The following KIF23 variants were observed in gnomAD, a reference collection of about 807,000 sequenced individuals.
The protein encoded by KIF23 is kinesin family member 23, also known as kinesin-like protein KIF23.
In KIF23, 30 loss-of-function variants were observed where a neutral mutation model predicts 137.5. The observed-to-expected ratio is 0.22, with a 90% CI of 0.16 to 0.30. The LOEUF is 0.30. KIF23 is among the 10% of genes least tolerant of loss of function. The pLI is 1.00. For synonymous variants in KIF23, 367 were observed against 391.1 expected (o/e 0.94, Z 0.73); for missense variants, 920 against 1,194.3 (o/e 0.77, Z 3.38).
At chr15:69,418,471 A>G (rs2056973234) in intron 3 of KIF23, among the ~76,000 whole-genome samples, 1 of 152,154 alleles carries the variant, frequency 6.6e-6, no homozygotes, top group Non-Finnish European at 1.5e-5. Flanking sequence ...TTCTCAAGGA[A>G]TGGCACTATC....
intron 7 of KIF23, among the ~76,000 whole-genome samples, chr15:69,424,515 G>A (rs1163592679): frequency 1.3e-5 from 2 of 152,148 alleles, no homozygotes; most frequent in African/African-American, 2.4e-5. Context: ...TTAAAACCTT[G>A]TGAGACAGTT....
At chr15:69,429,287 C>T (rs2057291637) in intron 11 of KIF23, 74 bp downstream of exon 11, 2 of 963,480 alleles carry the variant, frequency 2.1e-6, no homozygotes, top group East Asian at 2.6e-5. Context: ...ATCTACTTAT[C>T]AATGGGTGGT....
At position 69,444,565 on chromosome 15, in the gene KIF23, C is replaced by T; in HGVS notation, c.2422-225C>T. ...CATTACCAGAATTTTTTCTTTTATC[C>T]TTTATTGAAAGGGAAACTCCCAGAT... On this transcript the variant is annotated intron_variant, in intron 19 of 23. Coordinates refer to ENST00000679126, the MANE Select transcript of KIF23 (RefSeq NM_001367805.3). This position sits in a 1 kb window ranked among gnomAD's most constrained non-coding sequence, Gnocchi z 4.2. The T allele has an allele frequency of 2.0e-6, 1 of 501,680 alleles. No individual in the cohort carries two copies. The highest frequency in any genetic ancestry group is 3.5e-6 in the Non-Finnish European group (1 of 288,402). 31.1% of individuals were successfully genotyped at this position (501,680 alleles called of 1,614,324 possible).
At chr15:69,425,017 C>T (rs562174414) in intron 7 of KIF23, among the ~76,000 whole-genome samples, 2 of 152,302 alleles carry the variant, frequency 1.3e-5, no homozygotes, top group East Asian at 1.9e-4. Flanking sequence ...ACCTTGTGTG[C>T]TTTGTAACCT....
rs748606582 is a variant in KIF23 at position 69,426,375 on chromosome 15, G to A, written c.929G>A (p.Arg310His). The A allele has an allele frequency of 8.7e-6, 14 of 1,613,934 alleles. No homozygotes were observed. The East Asian group carries it at 1.3e-4, about 15-fold the overall frequency. ...KRRIANTHLN[R>H]ESSRSHSVFN... ...CGTATTGCTAATACCCATTTGAATC[G>A]TGAGTCCAGCCGTTCCCATAGCGTG... is the stretch of plus-strand genomic sequence containing the variant. Residue 310 changes from arginine (R) to histidine (H), a missense_variant, in exon 10 of 24, where the codon CGT (arginine) becomes CAT (histidine). Transcript: ENST00000679126.
intron 11 of KIF23, among the ~76,000 whole-genome samples, chr15:69,429,756 C>T (rs547564088): frequency 2.6e-5 from 4 of 152,236 alleles, no homozygotes; most frequent in African/African-American, 9.6e-5. Context: ...TGCGGTGGCT[C>T]ACACCTGTAA....
chr15:69,438,481 C>T (rs2057535464), intron 16 of KIF23, 76 bp downstream of exon 16: 21 of 1,354,004 alleles, frequency 1.6e-5, no homozygotes, highest in Non-Finnish European at 2.0e-5. Flanking sequence ...TATTGTGCTC[C>T]AACGGCCTGT....
chr15:69,426,664 G>A lies in KIF23; in HGVS notation c.1011+207G>A, dbSNP rs756287913. 236 of 551,396 alleles carry A rather than the reference G, an allele frequency of 4.3e-4. 2 individuals carry two copies. The highest frequency in any genetic ancestry group is 7.0e-4 in the Non-Finnish European group (218 of 312,940). The allele number at this position is 551,396 out of a possible 1,614,324, so 34.2% of individuals were successfully genotyped here. On this transcript the variant is annotated intron_variant, in intron 10 of 23. Coordinates refer to ENST00000679126, the MANE Select transcript of KIF23 (RefSeq NM_001367805.3). ...TGAACCTGGGAGGCAGAGGTACAGT[G>A]AACTGAGATCGCGCCACTGTAGTCC...
At chr15:69,446,212 C>G (rs1202425727) in intron 21 of KIF23, 71 bp from the exon 22 acceptor site, 13 of 1,439,716 alleles carry the variant, frequency 9.0e-6, no homozygotes, top group Non-Finnish European at 1.1e-5. Context: ...AGATAGTATT[C>G]CCCTACTTCT....
chr15:69,427,994 C>T (rs2057247328), intron 10 of KIF23, among the ~76,000 whole-genome samples: 1 of 152,204 alleles, frequency 6.6e-6, no homozygotes, highest in African/African-American at 2.4e-5. Context: ...CGCAGTGACT[C>T]ACGCCTGTAA....
chr15:69,435,535 A>G lies in KIF23; in HGVS notation c.1167A>G (p.Arg389=), dbSNP rs1203410781. The change falls in exon 12 of 24, where the codon AGA becomes AGG. Residue 389 remains arginine (R), a synonymous_variant. Coordinates refer to ENST00000679126, the MANE Select transcript of KIF23 (RefSeq NM_001367805.3). The stretch of plus-strand genomic sequence containing the variant: ...TAAGAACATGTATGGATGTCCTAAG[A>G]GAGAACCAAATGTATGGAACTAACA... ...MTLRTCMDVL[R]ENQMYGTNKM... 6.8e-6 allele frequency: 11 copies of G among 1,614,044 alleles called. No individual in the cohort carries two copies. Among genetic ancestry groups the G allele is most frequent in the African/African-American group, 2.7e-5 (2 of 74,936 alleles).
intron 11 of KIF23, chr15:69,435,246 G>A: frequency 1.9e-6 from 1 of 529,624 alleles, no homozygotes; most frequent in Non-Finnish European, 3.3e-6. Context: ...TGCATTTTGT[G>A]GAAAATCCTG....
chr15:69,431,008 G>C (rs971323152), intron 11 of KIF23, among the ~76,000 whole-genome samples: 3 of 152,136 alleles, frequency 2.0e-5, no homozygotes, highest in African/African-American at 7.2e-5. Flanking sequence ...CCAGTGTAGA[G>C]AAATAATTTA....
At chr15:69,428,987 G>T in intron 10 of KIF23, 124 bp from the exon 11 acceptor site, 1 of 572,516 alleles carries the variant, frequency 1.7e-6, no homozygotes, top group South Asian at 2.8e-5. Flanking sequence ...TCCTTTGCCT[G>T]TCCTGTGCAT....
chr15:69,443,595 G>C (rs762634089), intron 19 of KIF23: 3 of 151,970 alleles, frequency 2.0e-5, no homozygotes, highest in Middle Eastern at 3.4e-3. Flanking sequence ...CACAAATGTT[G>C]GGATAACAGG....
chr15:69,429,466 G>A (rs2057296262), intron 11 of KIF23, among the ~76,000 whole-genome samples: 1 of 152,024 alleles, frequency 6.6e-6, no homozygotes, highest in East Asian at 1.9e-4. Context: ...CACCATGCCT[G>A]TCTAATTTTT....
Position 69,440,864 on chromosome 15 carries a change from G to A in KIF23, c.2206G>A (p.Val736Ile). Residue 736 changes from valine to isoleucine, a missense_variant, in exon 19 of 24, where the codon GTA becomes ATA. By Grantham distance (29) the Val-to-Ile change is conservative. Coordinates refer to ENST00000679126, the MANE Select transcript of KIF23 (RefSeq NM_001367805.3). ...RRSNSCSSIS[V>I]ASCISEWEQK... ...CTCTAACTCTTGCAGCAGCATTTCT[G>A]TAGCTTCCTGTATTTCGGAATGGGA... 2.5e-6 allele frequency: 4 copies of A among 1,614,128 alleles called. No individual in the cohort carries two copies. Among genetic ancestry groups the A allele is most frequent in the Non-Finnish European group, 3.4e-6 (4 of 1,180,028 alleles).
At chr15:69,427,163 G>A (rs909724798) in intron 10 of KIF23, among the ~76,000 whole-genome samples, 3 of 152,126 alleles carry the variant, frequency 2.0e-5, no homozygotes, top group Middle Eastern at 3.4e-3. Context: ...TAAAAAAATA[G>A]AACTTTAAAA....
chr15:69,418,140 A>G (rs2056965168), intron 3 of KIF23, among the ~76,000 whole-genome samples: 1 of 152,214 alleles, frequency 6.6e-6, no homozygotes, highest in African/African-American at 2.4e-5. Context: ...TACCATTTCT[A>G]CTTCTAGCTG....
Sources: allele counts gnomAD v4.1 joint callset (sites outside exome capture counted in the v4.1 genomes callset), GRCh38; gene constraint gnomAD v4.1.1; non-coding constraint Gnocchi (gnomAD v3.1); transcripts MANE v1.5; gene names NCBI Gene and HGNC (gene_info 2026-07-23, HGNC 2026-07-21).